The following KIF21A variants were observed in gnomAD, a reference collection of about 807,000 sequenced individuals.
The protein encoded by KIF21A is kinesin family member 21A, also known as kinesin-like protein KIF21A.
KIF21A carries 114 observed loss-of-function variants against 202.9 expected under a neutral mutation model. That is an observed-to-expected ratio of 0.56 (90% CI 0.48 to 0.66). The LOEUF is 0.66. KIF21A is among the 30% of genes least tolerant of loss of function. KIF21A has a pLI of 0.00. For missense variants in KIF21A, 1,677 were observed against 1,994.9 expected, an observed-to-expected ratio of 0.84 and a Z score of 3.04; for synonymous variants, 667 against 670.8, an observed-to-expected ratio of 0.99 and a Z score of 0.09.
intron 12 of KIF21A, among the ~76,000 whole-genome samples, chr12:39,343,714 G>A (rs1440391689): frequency 6.6e-6 from 1 of 152,100 alleles, no homozygotes; most frequent in Non-Finnish European, 1.5e-5. Context: ...TGTCATTTAT[G>A]TTTATGTTAT....
At chr12:39,344,116 G>C (rs1314874033) in intron 12 of KIF21A, among the ~76,000 whole-genome samples, 2 of 152,134 alleles carry the variant, frequency 1.3e-5, no homozygotes, top group Non-Finnish European at 2.9e-5. Flanking sequence ...AAATGTGCTT[G>C]AAGAAAAGTA....
At chr12:39,394,958 T>G (rs1357630288) in intron 1 of KIF21A, among the ~76,000 whole-genome samples, 1 of 152,182 alleles carries the variant, frequency 6.6e-6, no homozygotes, top group South Asian at 2.1e-4. Context: ...CTAGCCTTCT[T>G]CTCTCTTACC....
chr12:39,416,718 T>TAA lies in KIF21A; in HGVS notation c.44+26208_44+26209insTT, dbSNP rs532398543. Among the ~76,000 whole-genome samples, 131 of 117,768 alleles carry TAA rather than the reference T, an allele frequency of 1.1e-3. 21 individuals are homozygous for TAA. Among genetic ancestry groups the TAA allele is most frequent in the African/African-American group, 3.9e-3 (115 of 29,664 alleles). 77.3% of individuals were successfully genotyped at this position (117,768 alleles called of 152,430 possible). ...ATATATGTACATATATATGTGTGTA[T>TAA]ATATGTACATATATATGTGTATATA... On this transcript the variant is annotated intron_variant, in intron 1 of 37. Transcript: ENST00000361418.
intron 1 of KIF21A, among the ~76,000 whole-genome samples, chr12:39,370,758 C>G (rs533685659): frequency 1.3e-5 from 2 of 151,910 alleles, no homozygotes; most frequent in South Asian, 4.2e-4. Flanking sequence ...CCTATTTGAC[C>G]ATTATGTTCT....
intron 33 of KIF21A, among the ~76,000 whole-genome samples, 171 bp downstream of exon 33, chr12:39,309,414 TC>T (rs1943791552): frequency 6.6e-6 from 1 of 151,952 alleles, no homozygotes; most frequent in Non-Finnish European, 1.5e-5. Flanking sequence ...TGTCAAATTT[TC>T]CCCCCTCTTA....
At chr12:39,340,436 C>T (rs1370342009) in intron 15 of KIF21A, 72 bp from the exon 16 acceptor site, 1 of 1,176,764 alleles carries the variant, frequency 8.5e-7, no homozygotes, top group African/African-American at 1.5e-5. Context: ...ATTTACAGTC[C>T]ATATCCTAAG....
chr12:39,382,026 C>A (rs1174052223), intron 1 of KIF21A, among the ~76,000 whole-genome samples: 2 of 152,178 alleles, frequency 1.3e-5, no homozygotes, highest in East Asian at 3.8e-4. Flanking sequence ...CATATAAGCA[C>A]AAGAAACTGA....
At chr12:39,303,366 T>C (rs1943146621) in intron 35 of KIF21A, among the ~76,000 whole-genome samples, 2 of 152,176 alleles carry the variant, frequency 1.3e-5, no homozygotes, top group Non-Finnish European at 2.9e-5. Flanking sequence ...ACAGGTGCAA[T>C]CATACTGCAC....
intron 1 of KIF21A, among the ~76,000 whole-genome samples, chr12:39,433,089 TTTC>T (rs1938180337): frequency 6.6e-6 from 1 of 152,240 alleles, no homozygotes. Context: ...ATTGATTGTT[TTTC>T]TTATCTTTTC....
chr12:39,421,598 C>T (rs1212318289), intron 1 of KIF21A, among the ~76,000 whole-genome samples: 1 of 151,652 alleles, frequency 6.6e-6, no homozygotes, highest in Non-Finnish European at 1.5e-5. Context: ...GAAGCTGAGG[C>T]AGGAGAATTG....
At chr12:39,372,856 C>T (rs552180692) in intron 1 of KIF21A, among the ~76,000 whole-genome samples, 8 of 152,230 alleles carry the variant, frequency 5.3e-5, no homozygotes, top group Admixed American at 3.3e-4. Flanking sequence ...TTGATTGTTG[C>T]CACGCCAGAA....
intron 16 of KIF21A, among the ~76,000 whole-genome samples, chr12:39,339,475 T>C (rs1377403659): frequency 6.6e-6 from 1 of 152,182 alleles, no homozygotes. Context: ...CACTCCATGA[T>C]GTTTGCACAA....
chr12:39,414,492 A>G (rs1159699263), intron 1 of KIF21A, among the ~76,000 whole-genome samples: 3 of 152,232 alleles, frequency 2.0e-5, no homozygotes, highest in African/African-American at 7.2e-5. Context: ...CAGTCTTGGT[A>G]AGCATCTCAT....
At chr12:39,317,204 A>G (rs200037980) in intron 29 of KIF21A, among the ~76,000 whole-genome samples, 57 of 152,340 alleles carry the variant, frequency 3.7e-4, no homozygotes, top group Admixed American at 3.3e-3. Flanking sequence ...AAGTATATTT[A>G]TAATTCTTTA....
Position 39,307,722 on chromosome 12 carries a change from C to T in KIF21A, c.4285G>A (p.Gly1429Ser). The T allele has an allele frequency of 6.2e-7, 1 of 1,613,892 alleles. No individual in the cohort carries two copies. Among genetic ancestry groups the T allele is most frequent in the Non-Finnish European group, 8.5e-7 (1 of 1,179,902 alleles). The part of the protein sequence containing the change: ...AKCIRTLTSS[G>S]QVTLGDACSA... ...CAAGCATCTCCAAGAGTAACTTGAC[C>T]TGAAGACCTTAAGAGATACAAACAA... The change falls in exon 34 of 38, where the codon GGT (glycine) becomes AGT (serine). Residue 1429 changes from glycine (G) to serine (S), a missense_variant. By Grantham distance (56) the Gly-to-Ser change is moderately conservative. Transcript: ENST00000361418.
chr12:39,434,769 G>A (rs1938449530), intron 1 of KIF21A, among the ~76,000 whole-genome samples: 1 of 152,090 alleles, frequency 6.6e-6, no homozygotes, highest in African/African-American at 2.4e-5. Flanking sequence ...GGCTAGAGAT[G>A]CCCTGTGCCT....
At chr12:39,363,374 T>G (rs1949377638) in intron 6 of KIF21A, among the ~76,000 whole-genome samples, 161 bp from the exon 7 acceptor site, 1 of 152,022 alleles carries the variant, frequency 6.6e-6, no homozygotes, top group Admixed American at 6.6e-5. Context: ...CACTGAAAAT[T>G]TAGTACATAT....
intron 31 of KIF21A, 99 bp from the exon 32 acceptor site, chr12:39,311,652 CT>C: frequency 8.5e-7 from 1 of 1,176,208 alleles, no homozygotes; most frequent in Non-Finnish European, 1.2e-6. Flanking sequence ...TTTAAGAAGT[CT>C]TTATAAGTAA....
chr12:39,349,757 AC>A (rs763938544), intron 11 of KIF21A, among the ~76,000 whole-genome samples: 5 of 152,204 alleles, frequency 3.3e-5, no homozygotes, highest in South Asian at 4.1e-4. Flanking sequence ...ATTCAAAAAA[AC>A]ATTTGATTAT....
Sources: allele counts gnomAD v4.1 joint callset (sites outside exome capture counted in the v4.1 genomes callset), GRCh38; gene constraint gnomAD v4.1.1; transcripts MANE v1.5; gene names NCBI Gene and HGNC (gene_info 2026-07-23, HGNC 2026-07-21).